The following SP4 variants were observed in gnomAD, a reference collection of about 807,000 sequenced individuals.
SP4 encodes Sp4 transcription factor.
A neutral mutation model predicts 72.8 loss-of-function variants in SP4; 19 were observed. The observed-to-expected ratio is 0.26, with a 90% CI of 0.18 to 0.38. The LOEUF (loss-of-function observed/expected upper bound fraction) is 0.38. Ranked by LOEUF, SP4 falls within the 10% of genes least tolerant of loss-of-function variation. The pLI, the probability that SP4 is intolerant of heterozygous loss-of-function variation, is 1.00. For missense variants in SP4, 1,008 were observed against 926.3 expected, an observed-to-expected ratio of 1.09 and a Z score of -1.14; for synonymous variants, 395 against 333.1, an observed-to-expected ratio of 1.19 and a Z score of -2.02.
intron 5 of SP4, among the ~76,000 whole-genome samples, chr7:21,505,676 G>A (rs1227164036): frequency 6.8e-6 from 1 of 146,922 alleles, no homozygotes. Flanking sequence ...TACTAAAGAG[G>A]GTGTAGTGTT....
At position 21,512,036 on chromosome 7, in the gene SP4, A is replaced by T. The variant is rs1355797676; in HGVS notation, c.*767A>T. On this transcript the variant is annotated 3_prime_UTR_variant, in exon 6 of 6. Transcript: ENST00000222584. ...CAAAACTCATCATAGCTTCAGAAAA[A>T]TAAAATGAGGCATCTTAACATGCAA... 1 of 152,634 alleles carries T rather than the reference A, an allele frequency of 6.6e-6. No homozygotes were observed. The highest frequency in any genetic ancestry group is 1.5e-5 in the Non-Finnish European group (1 of 68,026). The allele number at this position is 152,634 out of a possible 1,614,324, so 9.5% of individuals were successfully genotyped here. A position where few individuals can be genotyped will look rare whatever the true frequency, so the allele number is the denominator to read the frequency against.
At chr7:21,499,095 A>C (rs1439932481) in intron 5 of SP4, among the ~76,000 whole-genome samples, 2 of 151,872 alleles carry the variant, frequency 1.3e-5, no homozygotes, top group South Asian at 2.1e-4. Context: ...AAAAAAAAAA[A>C]AAAACTGTTA....
chr7:21,497,628 A>C (rs930630789), intron 5 of SP4, among the ~76,000 whole-genome samples: 1 of 152,192 alleles, frequency 6.6e-6, no homozygotes, highest in South Asian at 2.1e-4. Context: ...AAGGATTAGA[A>C]TGATCCTTGT....
rs77147144 is a variant in SP4, at chr7:21,428,862, T to G, written c.123+70T>G. On this transcript the variant is annotated intron_variant, in intron 2 of 5. Coordinates refer to ENST00000222584, the MANE Select transcript of SP4 (RefSeq NM_003112.5). ...GAGAGAGGGAGTTATGCCCTTTGAA[T>G]GTCCAGAAGTAACAGAATAAAATGT... The G allele has an allele frequency of 4.7e-4, 533 of 1,145,042 alleles. 5 individuals are homozygous for G. The African/African-American group carries it at 7.5e-3, about 16-fold the overall frequency. 70.9% of individuals were successfully genotyped at this position (1,145,042 alleles called of 1,614,324 possible).
At chr7:21,477,701 C>T (rs139696464) in intron 4 of SP4, among the ~76,000 whole-genome samples, 1,643 of 152,018 alleles carry the variant, frequency 0.011, 24 homozygotes, top group African/African-American at 0.038. Context: ...CCACCACACC[C>T]GGCTAGTTTT....
At chr7:21,466,420 G>T (rs566086027) in intron 3 of SP4, among the ~76,000 whole-genome samples, 2 of 152,110 alleles carry the variant, frequency 1.3e-5, no homozygotes, top group African/African-American at 2.4e-5. Flanking sequence ...ATGCTAAGAC[G>T]TGTGCTATAT....
At chr7:21,468,889 T>A (rs924454990) in intron 3 of SP4, among the ~76,000 whole-genome samples, 2 of 152,164 alleles carry the variant, frequency 1.3e-5, no homozygotes, top group African/African-American at 4.8e-5. Context: ...TTTCTCATGC[T>A]CCATGAGATG....
At chr7:21,446,508 C>G (rs973784205) in intron 3 of SP4, among the ~76,000 whole-genome samples, 1 of 151,316 alleles carries the variant, frequency 6.6e-6, no homozygotes, top group Non-Finnish European at 1.5e-5. Context: ...AATTTTGTAA[C>G]CTTTGGGAAT....
rs1782686344 is a variant in SP4, at chr7:21,428,262, C to A, written c.7+4C>A. The A allele has an allele frequency of 1.4e-6, 2 of 1,396,386 alleles. No homozygotes were observed. The highest frequency in any genetic ancestry group is 6.5e-5 in the East Asian group (2 of 30,548). The allele number at this position is 1,396,386 out of a possible 1,614,324, so 86.5% of individuals were successfully genotyped here. A position where few individuals can be genotyped will look rare whatever the true frequency, so the allele number is the denominator to read the frequency against. On this transcript the variant is annotated splice_donor_region_variant and intron_variant, in intron 1 of 5. Transcript: ENST00000222584. The stretch of plus-strand genomic sequence containing the variant: ...TCCTGTTAATGCGGGATGAGCGGTA[C>A]GTATTCTCCACCCCCCTCAGTCTCC...
chr7:21,505,139 G>A (rs1222966928), intron 5 of SP4, among the ~76,000 whole-genome samples: 1 of 152,152 alleles, frequency 6.6e-6, no homozygotes, highest in Non-Finnish European at 1.5e-5. Context: ...GATCATATGA[G>A]TCAATCCATA....
At chr7:21,444,604 G>T (rs531821718) in intron 3 of SP4, among the ~76,000 whole-genome samples, 8 of 152,234 alleles carry the variant, frequency 5.3e-5, no homozygotes, top group Middle Eastern at 3.4e-3. Context: ...TTTGTTTTCT[G>T]TGATCATTTA....
At chr7:21,477,417 C>T (rs1244381161) in intron 4 of SP4, 110 bp downstream of exon 4, 3 of 681,414 alleles carry the variant, frequency 4.4e-6, no homozygotes, top group African/African-American at 3.6e-5. Flanking sequence ...CCTTTGTAGC[C>T]TAGAAGTTGA....
chr7:21,473,578 A>G lies in SP4; in HGVS notation c.1679-3501A>G, dbSNP rs554213724. On this transcript the variant is annotated intron_variant, in intron 3 of 5. Coordinates refer to ENST00000222584, the MANE Select transcript of SP4 (RefSeq NM_003112.5). ...AAAAGGACAAAGTAATTTAAGACAA[A>G]TAAGACAAAACTAGGTGATGATACA... Among the ~76,000 whole-genome samples, 3 of 152,306 alleles carry G rather than the reference A, an allele frequency of 2.0e-5. No homozygotes were observed. In the East Asian group the frequency reaches 5.8e-4, roughly 29 times the overall value.
At chr7:21,498,874 A>G (rs139100161) in intron 5 of SP4, among the ~76,000 whole-genome samples, 6,195 of 152,124 alleles carry the variant, frequency 0.041, 149 homozygotes, top group Non-Finnish European at 0.055. Context: ...TCATGAGGTC[A>G]GGAGATCGAG....
chr7:21,499,335 C>T (rs1781809005), intron 5 of SP4, among the ~76,000 whole-genome samples: 1 of 152,060 alleles, frequency 6.6e-6, no homozygotes, highest in South Asian at 2.1e-4. Flanking sequence ...GTGAATGTGA[C>T]CTTATTTGGA....
At position 21,436,085 on chromosome 7, in the gene SP4, G is replaced by A. The variant is rs1783042532; in HGVS notation, c.1678+5242G>A. Among the ~76,000 whole-genome samples, 5 of 152,062 alleles carry A rather than the reference G, an allele frequency of 3.3e-5. No individual in the cohort carries two copies. The South Asian group carries it at 1.0e-3, about 32-fold the overall frequency. On this transcript the variant is annotated intron_variant, in intron 3 of 5. Coordinates refer to ENST00000222584, the MANE Select transcript of SP4 (RefSeq NM_003112.5). ...GGCTAATTTTTGTATTTTTAGTAGA[G>A]GTGGAGTTTTGCCATGTTGGCCAGG...
In SP4 at chr7:21,511,990, C is replaced by G. The variant is rs1284742412; in HGVS notation, c.*721C>G. 6.6e-6 allele frequency: 1 copy of G among 152,336 alleles called. No individual in the cohort carries two copies. Among genetic ancestry groups the G allele is most frequent in the Non-Finnish European group, 1.5e-5 (1 of 67,956 alleles). 9.4% of individuals were successfully genotyped at this position (152,336 alleles called of 1,614,324 possible). On this transcript the variant is annotated 3_prime_UTR_variant, in exon 6 of 6. Transcript: ENST00000222584. The stretch of plus-strand genomic sequence containing the variant: ...TTTAGGTTGACACCTTAGGAAAATG[C>G]TGGGAAAAAAATGGTTAAAACAAAA...
At chr7:21,460,471 G>A (rs935253206) in intron 3 of SP4, among the ~76,000 whole-genome samples, 17 of 151,984 alleles carry the variant, frequency 1.1e-4, no homozygotes, top group African/African-American at 3.6e-4. Context: ...CATAAAGGCA[G>A]TGTGGACCCA....
intron 5 of SP4, among the ~76,000 whole-genome samples, chr7:21,502,531 C>T (rs182479039): frequency 3.3e-5 from 5 of 152,202 alleles, no homozygotes; most frequent in Non-Finnish European, 7.4e-5. Flanking sequence ...ACTTCAGGAT[C>T]AGTATTCCAT....
Sources: gnomAD v4.1 joint callset for allele counts (sites outside exome capture counted in the v4.1 genomes callset) on GRCh38, gnomAD v4.1.1 for gene constraint, MANE v1.5 for transcripts, NCBI Gene and HGNC (gene_info 2026-07-23, HGNC 2026-07-21) for gene names.